The following R3HCC1 variants were observed in gnomAD, a reference collection of about 807,000 sequenced individuals.
R3HCC1 encodes the protein R3H domain and coiled-coil containing 1.
In R3HCC1, 32 loss-of-function variants were observed where a neutral mutation model predicts 40.0. The observed-to-expected ratio is 0.80, with a 90% confidence interval of 0.60 to 1.07. The LOEUF is 1.07. R3HCC1 is among the 50% of genes least tolerant of loss of function. The probability of loss-of-function intolerance (pLI) is 0.00; values close to 1 mark genes in which losing one functional copy is unlikely to be tolerated. For synonymous variants in R3HCC1, 237 were observed against 232.8 expected (o/e 1.02, Z -0.17); for missense variants, 586 against 563.3 (o/e 1.04, Z -0.41).
chr8:23,295,566 G>A, intron 7 of R3HCC1: 1 of 462,938 alleles, frequency 2.2e-6, no homozygotes, highest in Non-Finnish European at 4.3e-6. Context: ...TCTCGTGGGT[G>A]GTTACGTAGC....
At chr8:23,292,508 G>T (rs1342632690) in intron 5 of R3HCC1, among the ~76,000 whole-genome samples, 3 of 152,186 alleles carry the variant, frequency 2.0e-5, no homozygotes, top group Admixed American at 2.0e-4. Flanking sequence ...CAGCTACTCG[G>T]GAGGCTGAGG....
Sources: gnomAD v4.1 joint callset for allele counts (sites outside exome capture counted in the v4.1 genomes callset) on GRCh38, gnomAD v4.1.1 for gene constraint, MANE v1.5 for transcripts, NCBI Gene and HGNC (gene_info 2026-07-23, HGNC 2026-07-21) for gene names.